Variants in CHRM3 observed in about 807,000 individuals in gnomAD.
CHRM3 encodes the protein cholinergic receptor muscarinic 3.
CHRM3 carries 11 observed loss-of-function variants against 41.8 expected under a neutral mutation model. The ratio of observed to expected loss-of-function variants is 0.26; its 90% CI spans 0.17 to 0.44. The LOEUF is 0.44. Ranked by LOEUF, CHRM3 falls within the 20% of genes least tolerant of loss-of-function variation. The probability of loss-of-function intolerance (pLI) is 1.00; values close to 1 mark genes in which losing one functional copy is unlikely to be tolerated. For missense variants in CHRM3, 571 were observed against 745.4 expected (o/e 0.77, Z 2.72); for synonymous variants, 297 against 301.4 (o/e 0.99, Z 0.15).
chr1:239,607,636 C>A (rs554724667), intron 3 of CHRM3, among the ~76,000 whole-genome samples: 1 of 151,984 alleles, frequency 6.6e-6, no homozygotes, highest in South Asian at 2.1e-4. Context: ...CACCAAAATA[C>A]TATTAATATG....
At chr1:239,785,852 C>CT (rs935592970) in intron 5 of CHRM3, among the ~76,000 whole-genome samples, 3 of 152,046 alleles carry the variant, frequency 2.0e-5, no homozygotes, top group African/African-American at 7.2e-5. Context: ...ATTCTTCCTG[C>CT]TTGGATATTT....
chr1:239,857,743 G>A (rs1050254520), intron 6 of CHRM3, among the ~76,000 whole-genome samples: 2 of 152,098 alleles, frequency 1.3e-5, no homozygotes, highest in African/African-American at 2.4e-5. Flanking sequence ...AAGGGAGGTG[G>A]ATAATCATAA....
rs1680442769 is a variant in CHRM3, at chr1:239,912,873, G to A, written c.*3649G>A. 6.0e-6 allele frequency: 1 copy of A among 167,092 alleles called. No homozygotes were observed. Among genetic ancestry groups the A allele is most frequent in the Admixed American group, 6.5e-5 (1 of 15,286 alleles). 10.4% of individuals were successfully genotyped at this position (167,092 alleles called of 1,614,324 possible). On this transcript the variant is annotated 3_prime_UTR_variant, in exon 7 of 7. Coordinates refer to ENST00000676153, the MANE Select transcript of CHRM3 (RefSeq NM_001375978.1). ...GCAATGAATTTAGGATGAGGAACCT[G>A]AAGTTTCTGGACCAGTTTGGTCACT...
intron 3 of CHRM3, among the ~76,000 whole-genome samples, chr1:239,613,368 G>A (rs1300282743): frequency 1.3e-5 from 2 of 152,200 alleles, no homozygotes; most frequent in Non-Finnish European, 2.9e-5. Context: ...ACTGCAATAT[G>A]TGATTTCTTT....
rs147396347 is a variant in CHRM3 at position 239,630,663 on chromosome 1, T to C, written c.-312-1561T>C. On this transcript the variant is annotated intron_variant, in intron 3 of 6. Transcript: ENST00000676153. ...GAATGGGAGTGTTGATATAGTTCAG[T>C]TTACTCTTGAAGTTCTAGGTACACA... Among the ~76,000 whole-genome samples the C allele has an allele frequency of 2.7e-3, 413 of 152,292 alleles. 1 individual carries two copies. The highest frequency in any genetic ancestry group is 8.9e-3 in the African/African-American group (368 of 41,566).
At chr1:239,683,219 A>G (rs1658740037) in intron 5 of CHRM3, among the ~76,000 whole-genome samples, 1 of 152,200 alleles carries the variant, frequency 6.6e-6, no homozygotes, top group Non-Finnish European at 1.5e-5. Context: ...ATATTTGTGG[A>G]ATGAGTAAAT....
intron 1 of CHRM3, among the ~76,000 whole-genome samples, chr1:239,389,429 A>G (rs1180299623): frequency 1.3e-5 from 2 of 152,168 alleles, no homozygotes; most frequent in Admixed American, 1.3e-4. Context: ...GGCATGTGTA[A>G]AAGTTCTTTA....
chr1:239,847,981 A>G (rs989947000), intron 6 of CHRM3, among the ~76,000 whole-genome samples: 21 of 151,874 alleles, frequency 1.4e-4, no homozygotes, highest in Admixed American at 1.3e-3. Flanking sequence ...GAAAAGAATA[A>G]CTGTGTGGAT....
At chr1:239,404,199 GA>G (rs907667018) in intron 1 of CHRM3, among the ~76,000 whole-genome samples, 30 of 150,796 alleles carry the variant, frequency 2.0e-4, no homozygotes, top group African/African-American at 7.1e-4. Context: ...TGAGGCAGGA[GA>G]ATGGCGTGAA....
intron 6 of CHRM3, among the ~76,000 whole-genome samples, chr1:239,838,689 C>T (rs1339085177): frequency 6.6e-6 from 1 of 152,188 alleles, no homozygotes; most frequent in African/African-American, 2.4e-5. Flanking sequence ...CTTCTCCCTT[C>T]AGACCTGGGG....
At chr1:239,798,096 C>T (rs1669936300) in intron 5 of CHRM3, among the ~76,000 whole-genome samples, 1 of 152,126 alleles carries the variant, frequency 6.6e-6, no homozygotes, top group Non-Finnish European at 1.5e-5. Context: ...ACAGCCCAAA[C>T]CTTTCATCTT....
intron 6 of CHRM3, among the ~76,000 whole-genome samples, chr1:239,827,916 A>G (rs1478711720): frequency 6.6e-6 from 1 of 152,250 alleles, no homozygotes; most frequent in African/African-American, 2.4e-5. Flanking sequence ...AAATCATTAT[A>G]AAGTGCAGCA....
At chr1:239,845,904 A>G (rs1014396486) in intron 6 of CHRM3, among the ~76,000 whole-genome samples, 4 of 152,166 alleles carry the variant, frequency 2.6e-5, no homozygotes, top group Admixed American at 6.6e-5. Flanking sequence ...AATTGCCTTT[A>G]TAGAATTAGA....
In CHRM3 at chr1:239,812,884, C is replaced by G. The variant is rs1459196678; in HGVS notation, c.-146-14368C>G. Among the ~76,000 whole-genome samples, 2 of 152,190 alleles carry G rather than the reference C, an allele frequency of 1.3e-5. 1 individual carries two copies. The highest frequency in any genetic ancestry group is 3.9e-4 in the East Asian group (2 of 5,188). On this transcript the variant is annotated intron_variant, in intron 5 of 6. Transcript: ENST00000676153. ...GGGAAATAGCAAAGTTGGAGTCTGC[C>G]CTCCAATGCCTCTCCCTCCAAAATG...
intron 4 of CHRM3, among the ~76,000 whole-genome samples, chr1:239,664,893 A>G (rs901811138): frequency 5.9e-5 from 9 of 151,638 alleles, no homozygotes; most frequent in African/African-American, 2.2e-4. Flanking sequence ...GCTTTGCCAA[A>G]TCTCCCTCTC....
intron 6 of CHRM3, among the ~76,000 whole-genome samples, chr1:239,892,848 C>T (rs1367910526): frequency 6.6e-6 from 1 of 152,088 alleles, no homozygotes; most frequent in Non-Finnish European, 1.5e-5. Flanking sequence ...GACAGTGTCT[C>T]TTTATGTTTT....
chr1:239,654,210 TC>T (rs1262208111), intron 4 of CHRM3, among the ~76,000 whole-genome samples: 1 of 152,044 alleles, frequency 6.6e-6, no homozygotes, highest in African/African-American at 2.4e-5. Context: ...GTTTAAGCAA[TC>T]CTCTTGCTTA....
At chr1:239,815,269 G>T (rs1311904129) in intron 5 of CHRM3, among the ~76,000 whole-genome samples, 1 of 152,168 alleles carries the variant, frequency 6.6e-6, no homozygotes, top group Admixed American at 6.5e-5. Flanking sequence ...GTACTGTCAG[G>T]ACATATCAAA....
chr1:239,552,563 G>A lies in CHRM3; in HGVS notation c.-313+6814G>A, dbSNP rs1659969031. Among the ~76,000 whole-genome samples the A allele has an allele frequency of 2.0e-5, 3 of 147,498 alleles. No homozygotes were observed. The South Asian group carries it at 6.3e-4, about 31-fold the overall frequency. On this transcript the variant is annotated intron_variant, in intron 3 of 6. Coordinates refer to ENST00000676153, the MANE Select transcript of CHRM3 (RefSeq NM_001375978.1). ...TGCAGCCTCAACCTTTTGGGCACAA[G>A]TGATCTTTTCACCCCAGTCTCCCAA...
Sources: gnomAD v4.1 joint callset for allele counts (sites outside exome capture counted in the v4.1 genomes callset) on GRCh38, gnomAD v4.1.1 for gene constraint, MANE v1.5 for transcripts, NCBI Gene and HGNC (gene_info 2026-07-23, HGNC 2026-07-21) for gene names.